RPUSD3: variants seen among roughly 807,000 people sequenced by gnomAD.
RPUSD3 encodes RNA pseudouridine synthase D3, also known as mitochondrial mRNA pseudouridine synthase RPUSD3.
In RPUSD3, 36 loss-of-function variants were observed where a neutral mutation model predicts 35.1. The ratio of observed to expected loss-of-function variants is 1.02; its 90% confidence interval spans 0.79 to 1.35. The LOEUF (loss-of-function observed/expected upper bound fraction) is 1.35, where lower values mean the gene tolerates loss of function less well. Among genes scored for constraint, RPUSD3 ranks in the 40% most tolerant of loss-of-function variants. RPUSD3 has a pLI of 0.00. For synonymous variants in RPUSD3, 202 were observed against 187.8 expected (o/e 1.08, Z -0.62); for missense variants, 486 against 441.9 (o/e 1.10, Z -0.89).
At chr3:9,839,259 A>C in intron 7 of RPUSD3, 88 bp from the exon 8 acceptor site, 1 of 1,451,788 alleles carries the variant, frequency 6.9e-7, no homozygotes, top group Non-Finnish European at 9.4e-7. Context: ...CTTTGGGGAA[A>C]CACCACCCCC....
At chr3:9,841,454 T>C (rs2082102778) in intron 4 of RPUSD3, 2 of 156,618 alleles carry the variant, frequency 1.3e-5, no homozygotes, top group Admixed American at 6.4e-5. Context: ...ACTACAGGCA[T>C]GTGCTGCTCT....
chr3:9,840,400 C>T (rs2082085685), intron 6 of RPUSD3, 93 bp from the exon 7 acceptor site: 1 of 1,608,562 alleles, frequency 6.2e-7, no homozygotes, highest in Non-Finnish European at 8.5e-7. Flanking sequence ...GGCAGGGCCA[C>T]AGTATAGGCA....
intron 2 of RPUSD3, 171 bp downstream of exon 2, chr3:9,843,294 G>C: frequency 1.2e-6 from 1 of 847,538 alleles, no homozygotes; most frequent in Non-Finnish European, 1.9e-6. Flanking sequence ...ACTGCATCAT[G>C]GCAGTAGGGT....
At chr3:9,843,735 C>G (rs941693611) in intron 1 of RPUSD3, 134 bp from the exon 2 acceptor site, 1 of 1,541,990 alleles carries the variant, frequency 6.5e-7, no homozygotes, top group Non-Finnish European at 8.8e-7. Context: ...CTCGAAAATT[C>G]AGGTACGACC....
exon 9 of RPUSD3, chr3:9,837,954 G>A: frequency 1.4e-6 from 2 of 1,478,442 alleles, no homozygotes; most frequent in Non-Finnish European, 1.8e-6. Flanking sequence ...AGGTTTGTCT[G>A]ACTGCAGAGC....
chr3:9,839,407 T>A, intron 7 of RPUSD3: 1 of 432,808 alleles, frequency 2.3e-6, no homozygotes. Context: ...CAACCCTGAT[T>A]TAATTGCTGA....
chr3:9,843,644 G>A (rs1441454744), intron 1 of RPUSD3, 43 bp from the exon 2 acceptor site: 2 of 1,606,488 alleles, frequency 1.2e-6, no homozygotes, highest in Non-Finnish European at 1.7e-6. Context: ...TCCATCCCGA[G>A]GTGCCACCCA....
At chr3:9,841,015 G>A in intron 4 of RPUSD3, 1 of 395,758 alleles carries the variant, frequency 2.5e-6, no homozygotes, top group Non-Finnish European at 4.5e-6. Context: ...CGGCCCCCAG[G>A]GAACTCAGAG....
At position 9,843,549 on chromosome 3, in the gene RPUSD3, G is replaced by A; in HGVS notation, c.178C>T (p.Gln60Ter). ...TTTGGCAGCAGCCCCGCGAAGGGCTGGTCCCCGAGGGGCCCCGACCGTTGG... is the reference window on the plus strand; with the variant it reads ...TTTGGCAGCAGCCCCGCGAAGGGCTAGTCCCCGAGGGGCCCCGACCGTTGG... Residue 60 changes from glutamine to a stop codon, truncating the protein, a stop_gained, in exon 2 of 9, where the codon CAG (glutamine) becomes TAG (stop). Coordinates refer to ENST00000383820, the Ensembl canonical transcript of RPUSD3. LOFTEE classifies it high-confidence loss of function. The A allele has an allele frequency of 6.2e-7, 1 of 1,613,828 alleles. No homozygotes were observed. Among genetic ancestry groups the A allele is most frequent in the Non-Finnish European group, 8.5e-7 (1 of 1,179,990 alleles).
intron 2 of RPUSD3, 109 bp downstream of exon 2, chr3:9,843,356 T>C: frequency 6.7e-7 from 1 of 1,498,034 alleles, no homozygotes; most frequent in Non-Finnish European, 9.1e-7. Flanking sequence ...CTCATGCTGC[T>C]AGTGGGAGGC....
exon 7 of RPUSD3, chr3:9,840,290 G>A (rs2082084068): frequency 6.2e-7 from 1 of 1,614,146 alleles, no homozygotes; most frequent in African/African-American, 1.3e-5. Flanking sequence ...TTCGGGATGG[G>A]GCCTTCACTG....
In RPUSD3 at chr3:9,838,115, GAGA is replaced by G. The variant is rs769837225; in HGVS notation, c.954_956del (p.Leu319del). The G allele has an allele frequency of 4.3e-6, 7 of 1,612,748 alleles. No homozygotes were observed. The South Asian group carries it at 6.6e-5, about 15-fold the overall frequency. On this transcript the variant is annotated inframe_deletion, in exon 9 of 9. Coordinates refer to ENST00000383820, the Ensembl canonical transcript of RPUSD3. Reference sequence around the variant, plus strand: ...GGGTGTCCCTGGCCCTGGTGCCTGGGAGAAGGAGCCGATGTAGGTGGAGGTGCA... The same window carrying G: ...GGGTGTCCCTGGCCCTGGTGCCTGGGAGGAGCCGATGTAGGTGGAGGTGCA...
chr3:9,838,243 AT>A (rs1406058892), intron 8 of RPUSD3, 36 bp from the exon 9 acceptor site: 1 of 1,605,708 alleles, frequency 6.2e-7, no homozygotes, highest in South Asian at 1.1e-5. Flanking sequence ...TCAGCCCCAC[AT>A]TTTCCAAGCA....
Position 9,839,125 on chromosome 3 carries a change from AG to A in RPUSD3, c.770del (p.Pro257LeufsTer44). 6.2e-7 allele frequency: 1 copy of A among 1,614,150 alleles called. No homozygotes were observed. Among genetic ancestry groups the A allele is most frequent in the East Asian group, 2.2e-5 (1 of 44,880 alleles). ...CAGAGTACATGTGGTCCCCAAGCACAGGGCAGAGCTGTAGTACCATGTGCAC... is the reference window on the plus strand; with the variant it reads ...CAGAGTACATGTGGTCCCCAAGCACAGGCAGAGCTGTAGTACCATGTGCAC... On this transcript the variant is annotated frameshift_variant, in exon 8 of 9. Coordinates refer to ENST00000383820, the Ensembl canonical transcript of RPUSD3. LOFTEE classifies it high-confidence loss of function.
chr3:9,843,556 G>T (rs757174321), exon 2 of RPUSD3: 4 of 1,613,770 alleles, frequency 2.5e-6, no homozygotes, highest in South Asian at 1.1e-5. Flanking sequence ...GCTGGTCCCC[G>T]AGGGGCCCCG....
At position 9,842,164 on chromosome 3, in the gene RPUSD3, C is replaced by A. The variant is rs779921398; in HGVS notation, c.307+35G>T. On this transcript the variant is annotated intron_variant, in intron 3 of 8. Transcript: ENST00000383820. ...CCTCCCTCAGTCACGAAACCCCCTT[C>A]CGCTGCATTCCCTTCCCACATCCCC... 3.1e-6 allele frequency: 5 copies of A among 1,614,020 alleles called. No homozygotes were observed. In the South Asian group the frequency reaches 4.4e-5, roughly 14 times the overall value.
intron 8 of RPUSD3, among the ~76,000 whole-genome samples, chr3:9,838,728 G>A (rs750427622): frequency 6.6e-6 from 1 of 152,138 alleles, no homozygotes; most frequent in African/African-American, 2.4e-5. Context: ...AGAGGCATCT[G>A]GTGTCCTAAT....
intron 7 of RPUSD3, 173 bp downstream of exon 7, chr3:9,840,011 G>A: frequency 1.4e-6 from 1 of 692,482 alleles, no homozygotes; most frequent in Non-Finnish European, 2.3e-6. Context: ...CTCCCGAGTA[G>A]CTGGTTTTAC....
exon 9 of RPUSD3, chr3:9,838,036 G>A (rs1315224819): frequency 5.1e-6 from 8 of 1,582,896 alleles, no homozygotes; most frequent in Non-Finnish European, 6.0e-6. Flanking sequence ...CGGAGCCCCA[G>A]GCACTGTAGG....
Sources: gnomAD v4.1 joint callset for allele counts (sites outside exome capture counted in the v4.1 genomes callset) on GRCh38, gnomAD v4.1.1 for gene constraint, MANE v1.5 for transcripts, NCBI Gene and HGNC (gene_info 2026-07-23, HGNC 2026-07-21) for gene names.